SCN3A: variants seen among roughly 807,000 people sequenced by gnomAD.
SCN3A encodes sodium voltage-gated channel alpha subunit 3.
A neutral mutation model predicts 187.6 loss-of-function variants in SCN3A; 60 were observed. The observed-to-expected ratio is 0.32, with a 90% CI of 0.26 to 0.40. SCN3A has a LOEUF of 0.40. Ranked by LOEUF, SCN3A falls within the 10% of genes least tolerant of loss-of-function variation. SCN3A has a pLI of 1.00. For synonymous variants in SCN3A, 788 were observed against 829.2 expected (o/e 0.95, Z 0.85); for missense variants, 1,601 against 2,428.2 (o/e 0.66, Z 7.16).
At chr2:165,193,475 A>G (rs535002864) in intron 1 of SCN3A, among the ~76,000 whole-genome samples, 2 of 152,286 alleles carry the variant, frequency 1.3e-5, no homozygotes, top group Admixed American at 1.3e-4. Context: ...AGCAAACAGC[A>G]TTCTCTGAAC....
intron 2 of SCN3A, chr2:165,179,805 T>C (rs889586903): frequency 6.6e-6 from 1 of 152,324 alleles, no homozygotes; most frequent in Admixed American, 6.5e-5. Context: ...AAATCCCTCA[T>C]AGTTCTTTCG....
intron 9 of SCN3A, among the ~76,000 whole-genome samples, chr2:165,156,323 A>T (rs192216079): frequency 1.3e-5 from 2 of 150,954 alleles, no homozygotes; most frequent in Non-Finnish European, 2.9e-5. Flanking sequence ...TGGCTAACAC[A>T]GTGAAACTCC....
intron 1 of SCN3A, among the ~76,000 whole-genome samples, chr2:165,188,405 T>G (rs185357190): frequency 1.3e-5 from 2 of 152,264 alleles, no homozygotes; most frequent in East Asian, 3.9e-4. Context: ...AAGAGTTGCA[T>G]CTCACTTATT....
intron 15 of SCN3A, among the ~76,000 whole-genome samples, chr2:165,132,454 C>A (rs2105781795): frequency 6.6e-6 from 1 of 152,262 alleles, no homozygotes; most frequent in Non-Finnish European, 1.5e-5. Context: ...TGGAACAGAA[C>A]AGAGCCCTCA....
At chr2:165,100,948 G>A (rs150696186) in intron 21 of SCN3A, among the ~76,000 whole-genome samples, 1,868 of 152,190 alleles carry the variant, frequency 0.012, 26 homozygotes, top group Non-Finnish European at 0.019. Context: ...ACGCTGTCTG[G>A]TCAGATATAC....
At chr2:165,190,625 T>G (rs1236609612) in intron 1 of SCN3A, among the ~76,000 whole-genome samples, 1 of 147,970 alleles carries the variant, frequency 6.8e-6, no homozygotes, top group African/African-American at 2.5e-5. Flanking sequence ...TATAAAACTT[T>G]GCATCACTTT....
chr2:165,175,282 G>A (rs12615864), intron 3 of SCN3A, among the ~76,000 whole-genome samples: 20,105 of 151,958 alleles, frequency 0.13, 1,692 homozygotes, highest in African/African-American at 0.22. Flanking sequence ...AATATAAATC[G>A]TGGTTATAAA....
chr2:165,198,701 T>C (rs1262669353), intron 1 of SCN3A, among the ~76,000 whole-genome samples: 1 of 152,076 alleles, frequency 6.6e-6, no homozygotes, highest in African/African-American at 2.4e-5. Context: ...TGCTTTCTCT[T>C]ACCTACTTTG....
chr2:165,167,495 G>C (rs552710724), intron 5 of SCN3A, among the ~76,000 whole-genome samples: 227 of 151,994 alleles, frequency 1.5e-3, no homozygotes, highest in Non-Finnish European at 2.5e-3. Flanking sequence ...TCTTATCTCC[G>C]ATTGTACATT....
At chr2:165,169,414 G>A (rs112272164) in intron 4 of SCN3A, among the ~76,000 whole-genome samples, 2,515 of 151,720 alleles carry the variant, frequency 0.017, 63 homozygotes, top group African/African-American at 0.057. Context: ...AGATTGTGGC[G>A]GACCCCAACA....
intron 18 of SCN3A, chr2:165,123,042 A>G (rs569832039): frequency 2.0e-5 from 3 of 152,326 alleles, no homozygotes; most frequent in South Asian, 4.1e-4. Flanking sequence ...ATCTTTTAAG[A>G]ATTAAATTGC....
At chr2:165,135,247 C>T (rs780936768) in intron 15 of SCN3A, among the ~76,000 whole-genome samples, 15 of 151,978 alleles carry the variant, frequency 9.9e-5, no homozygotes, top group Non-Finnish European at 1.8e-4. Context: ...AAATACTCCA[C>T]AAAAATACGG....
rs751094000 is a variant in SCN3A at position 165,127,846 on chromosome 2, C to G, written c.3178G>C (p.Glu1060Gln). The change falls in exon 18 of 28, where the codon GAG becomes CAG. Residue 1060 changes from glutamate to glutamine, a missense_variant. By Grantham distance (29) the Glu-to-Gln change is conservative. Around this residue, in one of 11 missense-constraint regions of SCN3A, gnomAD observed 267 missense variants for 313.2 expected, o/e 0.85. Coordinates refer to ENST00000283254, the MANE Select transcript of SCN3A (RefSeq NM_006922.4). ...TTCCCATCTCTAAGATAATTAAGCT[C>G]TTTGCTTATTTCAATTCCAGTATTA... ...SNNTGIEISK[E>Q]LNYLRDGNGT... 3 of 1,614,020 alleles carry G rather than the reference C, an allele frequency of 1.9e-6. No homozygotes were observed. The Admixed American group carries it at 5.0e-5, about 27-fold the overall frequency.
chr2:165,162,471 G>T (rs1388314571), intron 8 of SCN3A, 85 bp downstream of exon 8: 20 of 1,594,992 alleles, frequency 1.3e-5, no homozygotes, highest in Non-Finnish European at 1.6e-5. Context: ...ATTTACAAAG[G>T]TGGCTGTACA....
Position 165,138,048 on chromosome 2 carries a change from T to C in SCN3A, c.2222A>G (p.Asp741Gly). The C allele has an allele frequency of 6.2e-7, 1 of 1,613,628 alleles. No homozygotes were observed. Among genetic ancestry groups the C allele is most frequent in the African/African-American group, 1.3e-5 (1 of 75,014 alleles). Residue 741 changes from aspartate (D) to glycine (G), a missense_variant, in exon 15 of 28, where the codon GAC becomes GGC. This residue lies in a region of SCN3A where 376 missense variants were observed against 476.0 expected (regional missense o/e 0.79). Coordinates refer to ENST00000283254, the MANE Select transcript of SCN3A (RefSeq NM_006922.4). Reference sequence around the variant, plus strand: ...TACTTTTAACCATGCATCACAGCAGTCCCAGATCAAGAACACATTGGCAAA... The same window carrying C: ...TACTTTTAACCATGCATCACAGCAGCCCCAGATCAAGAACACATTGGCAAA... ...YRFANVFLIW[D>G]CCDAWLKVKH...
Position 165,127,787 on chromosome 2 carries a change from A to G in SCN3A, c.3237T>C (p.Ser1079=), listed in dbSNP as rs1487276668. ...GTTSGVGTGS[S]VEKYVIDEND... is the part of the protein sequence containing the mutation. ...TTTCATCGATTACGTATTTTTCAAC[A>G]CTGCTTCCAGTACCTACACCACTGG... The change falls in exon 18 of 28, where the codon AGT becomes AGC. Residue 1079 remains serine (S), a synonymous_variant. Transcript: ENST00000283254. 2 of 1,614,036 alleles carry G rather than the reference A, an allele frequency of 1.2e-6. No individual in the cohort carries two copies. Among genetic ancestry groups the G allele is most frequent in the Non-Finnish European group, 1.7e-6 (2 of 1,180,026 alleles).
chr2:165,158,095 T>C (rs1689169752), intron 9 of SCN3A, among the ~76,000 whole-genome samples: 1 of 152,182 alleles, frequency 6.6e-6, no homozygotes. Flanking sequence ...TTGTTGCTAC[T>C]GGGGTGTCAT....
chr2:165,111,192 C>T (rs147634641), intron 21 of SCN3A, among the ~76,000 whole-genome samples: 2,946 of 152,100 alleles, frequency 0.019, 40 homozygotes, highest in Non-Finnish European at 0.029. Context: ...AAAAATTAGC[C>T]AGGCATGGTG....
Position 165,090,170 on chromosome 2 carries a change from C to T in SCN3A, c.5983G>A (p.Val1995Ile), listed in dbSNP as rs2105615122. Residue 1995 changes from valine (V) to isoleucine (I), a missense_variant, in exon 28 of 28, where the codon GTC (valine) becomes ATC (isoleucine). Around this residue, in one of 11 missense-constraint regions of SCN3A, gnomAD observed 87 missense variants for 89.2 expected, o/e 0.98. Coordinates refer to ENST00000283254, the MANE Select transcript of SCN3A (RefSeq NM_006922.4). This position sits in a 1 kb window ranked among gnomAD's most constrained non-coding sequence, Gnocchi z 4.0. ...TCTTTTTACTTTTGATTTTCTCTGA[C>T]CTCTTTTCCTTTGCTTTCTTTTTCT... is the stretch of plus-strand genomic sequence containing the variant. ...KPEKESKGKE[V>I]RENQK The T allele has an allele frequency of 1.3e-6, 2 of 1,587,920 alleles. No homozygotes were observed. Among genetic ancestry groups the T allele is most frequent in the African/African-American group, 1.3e-5 (1 of 74,844 alleles).
Sources: gnomAD v4.1 joint callset for allele counts (sites outside exome capture counted in the v4.1 genomes callset) on GRCh38, gnomAD v4.1.1 for gene constraint, gnomAD v4.1.1 regional missense constraint, Gnocchi (gnomAD v3.1) non-coding constraint, MANE v1.5 for transcripts, NCBI Gene and HGNC (gene_info 2026-07-23, HGNC 2026-07-21) for gene names.